Variants in HKDC1 observed in about 807,000 individuals in gnomAD.
The protein encoded by HKDC1 is hexokinase domain containing 1, also known as hexokinase HKDC1.
In HKDC1, 66 loss-of-function variants were observed where a neutral mutation model predicts 96.6. That is an observed-to-expected ratio of 0.68 (90% CI 0.56 to 0.84). The LOEUF is 0.84. Ranked by LOEUF, HKDC1 falls within the 40% of genes least tolerant of loss-of-function variation. The probability of loss-of-function intolerance (pLI) is 0.00; values close to 1 mark genes in which losing one functional copy is unlikely to be tolerated. For missense variants in HKDC1, 1,211 were observed against 1,208.1 expected (o/e 1.00, Z -0.04); for synonymous variants, 466 against 473.1 (o/e 0.98, Z 0.20).
intron 4 of HKDC1, among the ~76,000 whole-genome samples, chr10:69,234,233 A>T (rs1178250821): frequency 6.6e-6 from 1 of 151,760 alleles, no homozygotes; most frequent in Non-Finnish European, 1.5e-5. Flanking sequence ...AGTCACATGG[A>T]CCTCCTTGGG....
chr10:69,242,596 A>G (rs951317022), intron 6 of HKDC1, among the ~76,000 whole-genome samples: 4 of 152,184 alleles, frequency 2.6e-5, no homozygotes, highest in Non-Finnish European at 5.9e-5. Context: ...AGAGTCCAAA[A>G]AGATGGTGCC....
chr10:69,252,854 G>A (rs1843665323), intron 12 of HKDC1, among the ~76,000 whole-genome samples: 1 of 151,714 alleles, frequency 6.6e-6, no homozygotes, highest in Admixed American at 6.6e-5. Context: ...CAACAAGCAA[G>A]CCAAGTACAG....
intron 12 of HKDC1, among the ~76,000 whole-genome samples, chr10:69,253,206 C>T (rs1843671449): frequency 6.6e-6 from 1 of 152,110 alleles, no homozygotes; most frequent in Non-Finnish European, 1.5e-5. Context: ...CTCTTAGACT[C>T]CCCAGAGCTC....
At chr10:69,224,180 G>C (rs35199395) in intron 1 of HKDC1, among the ~76,000 whole-genome samples, 78,847 of 151,470 alleles carry the variant, frequency 0.52, 23,477 homozygotes, top group Non-Finnish European at 0.67. Context: ...TGCACTCCAG[G>C]CTGGGCAACA....
At chr10:69,244,038 C>T (rs61868681) in intron 7 of HKDC1, among the ~76,000 whole-genome samples, 2 of 151,970 alleles carry the variant, frequency 1.3e-5, no homozygotes, top group Admixed American at 6.6e-5. Flanking sequence ...CCGAACTCGT[C>T]GTGTTCGCAT....
At chr10:69,221,357 G>A (rs188804142) in intron 1 of HKDC1, among the ~76,000 whole-genome samples, 2 of 152,140 alleles carry the variant, frequency 1.3e-5, no homozygotes, top group East Asian at 3.9e-4. Context: ...TTCCAAAGTG[G>A]GCTGGTTAAA....
At chr10:69,251,110 T>TC (rs1299779392) in intron 12 of HKDC1, among the ~76,000 whole-genome samples, 3 of 118,370 alleles carry the variant, frequency 2.5e-5, no homozygotes, top group African/African-American at 9.1e-5. Flanking sequence ...TTTTTTTTTT[T>TC]TGAGACAGAG....
At chr10:69,233,172 C>T in intron 4 of HKDC1, 39 bp downstream of exon 4, 1 of 1,610,968 alleles carries the variant, frequency 6.2e-7, no homozygotes, top group Non-Finnish European at 8.5e-7. Context: ...GGAATTGGGG[C>T]TTGGGGAATG....
chr10:69,249,536 C>T (rs1843602162), intron 10 of HKDC1, among the ~76,000 whole-genome samples: 1 of 152,192 alleles, frequency 6.6e-6, no homozygotes, highest in South Asian at 2.1e-4. Flanking sequence ...CGCTCTGTCA[C>T]CCAGGCTGGA....
chr10:69,266,540 A>AT, intron 17 of HKDC1, 70 bp from the exon 18 acceptor site: 1 of 1,517,502 alleles, frequency 6.6e-7, no homozygotes, highest in Non-Finnish European at 9.0e-7. Context: ...AAGAAATTAG[A>AT]TTATGATCAT....
At chr10:69,257,299 T>G (rs761402945) in intron 13 of HKDC1, 28 bp from the exon 14 acceptor site, 20 of 1,579,288 alleles carry the variant, frequency 1.3e-5, no homozygotes, top group African/African-American at 2.7e-5. Flanking sequence ...TAAAGCTGGG[T>G]TTTTTTTGTT....
chr10:69,223,112 A>T (rs1278913011), intron 1 of HKDC1: 1 of 152,234 alleles, frequency 6.6e-6, no homozygotes, highest in Non-Finnish European at 1.5e-5. Flanking sequence ...TTCCAATTCA[A>T]TATATTGACA....
chr10:69,253,894 C>T (rs923859980), intron 12 of HKDC1, among the ~76,000 whole-genome samples: 3 of 152,098 alleles, frequency 2.0e-5, no homozygotes, highest in Non-Finnish European at 4.4e-5. Context: ...GCCAAGCTTC[C>T]GAGACTGGCA....
chr10:69,226,417 C>T lies in HKDC1; in HGVS notation c.64-790C>T, dbSNP rs1353247646. On this transcript the variant is annotated intron_variant, in intron 1 of 17. Coordinates refer to ENST00000354624, the MANE Select transcript of HKDC1 (RefSeq NM_025130.4). ...ATCCCAGCACTTTGGGAGGCCGAGG[C>T]GTGTGGATCACTTGAGGTCTGGAGT... Among the ~76,000 whole-genome samples the T allele has an allele frequency of 5.9e-5, 9 of 152,088 alleles. No homozygotes were observed. The East Asian group carries it at 1.2e-3, about 20-fold the overall frequency.
At chr10:69,252,742 G>A (rs1006152803) in intron 12 of HKDC1, among the ~76,000 whole-genome samples, 4 of 151,964 alleles carry the variant, frequency 2.6e-5, no homozygotes, top group African/African-American at 9.7e-5. Flanking sequence ...TTGAGCCCAG[G>A]AGATTGAGGT....
chr10:69,249,554 A>G (rs1201339173), intron 10 of HKDC1, among the ~76,000 whole-genome samples: 3 of 152,140 alleles, frequency 2.0e-5, no homozygotes, highest in South Asian at 4.1e-4. Context: ...GGAGTGCAGT[A>G]GCGTGATCTC....
At chr10:69,248,082 C>T (rs532903837) in intron 9 of HKDC1, among the ~76,000 whole-genome samples, 2 of 152,274 alleles carry the variant, frequency 1.3e-5, no homozygotes, top group East Asian at 1.9e-4. Flanking sequence ...CTTTGGCTAC[C>T]GGGGTGGACT....
intron 16 of HKDC1, among the ~76,000 whole-genome samples, chr10:69,263,886 A>C (rs1019613575): frequency 1.2e-4 from 18 of 152,374 alleles, no homozygotes; most frequent in African/African-American, 4.1e-4. Flanking sequence ...AAGAAAAATA[A>C]GAATTAAGCT....
In HKDC1 at chr10:69,232,859, G is replaced by T. The variant is rs377327285; in HGVS notation, c.322G>T (p.Glu108Ter). ...AEEGKRHVQM[E>*]SQFYPTPNEI... ...AGAGGGGAAGCGACACGTGCAGATG[G>T]AGAGTCAGTTCTACCCAACGCCCAA... The change falls in exon 3 of 18, where the codon GAG becomes TAG. Residue 108 changes from glutamate to a stop codon, truncating the protein, a stop_gained. Coordinates refer to ENST00000354624, the MANE Select transcript of HKDC1 (RefSeq NM_025130.4). LOFTEE classifies it high-confidence loss of function. 33 of 1,613,986 alleles carry T rather than the reference G, an allele frequency of 2.0e-5. No individual in the cohort carries two copies. Among genetic ancestry groups the T allele is most frequent in the Non-Finnish European group, 2.6e-5 (31 of 1,180,050 alleles).
Sources: allele counts gnomAD v4.1 joint callset (sites outside exome capture counted in the v4.1 genomes callset), GRCh38; gene constraint gnomAD v4.1.1; transcripts MANE v1.5; gene names NCBI Gene and HGNC (gene_info 2026-07-23, HGNC 2026-07-21).